MAP2: variants seen among roughly 807,000 people sequenced by gnomAD.
The protein encoded by MAP2 is microtubule-associated protein 2.
A neutral mutation model predicts 137.6 loss-of-function variants in MAP2; 14 were observed. The observed-to-expected ratio is 0.10, with a 90% confidence interval of 0.07 to 0.16. The LOEUF is 0.16. MAP2 is among the 10% of genes least tolerant of loss of function. MAP2 has a pLI of 1.00. For synonymous variants in MAP2, 786 were observed against 782.3 expected (o/e 1.00, Z -0.08); for missense variants, 2,088 against 2,191.5 (o/e 0.95, Z 0.94).
At chr2:209,608,053 T>C (rs1049721608) in intron 3 of MAP2, among the ~76,000 whole-genome samples, 3 of 152,180 alleles carry the variant, frequency 2.0e-5, no homozygotes, top group Admixed American at 1.3e-4. Flanking sequence ...AATGGAACAG[T>C]TGCCTTTTAC....
At chr2:209,537,116 A>C (rs993004086) in intron 2 of MAP2, among the ~76,000 whole-genome samples, 1 of 152,194 alleles carries the variant, frequency 6.6e-6, no homozygotes, top group Non-Finnish European at 1.5e-5. Flanking sequence ...TGGCACACTT[A>C]TATTAAGCAA....
intron 13 of MAP2, among the ~76,000 whole-genome samples, chr2:209,716,265 A>G (rs1263506660): frequency 6.6e-6 from 1 of 152,242 alleles, no homozygotes; most frequent in African/African-American, 2.4e-5. Context: ...ATAATGTCCC[A>G]TACATAGTAG....
intron 3 of MAP2, among the ~76,000 whole-genome samples, chr2:209,589,776 T>C (rs540241453): frequency 8.5e-5 from 13 of 152,304 alleles, no homozygotes; most frequent in African/African-American, 3.1e-4. Context: ...TTTAAGCGAA[T>C]GGTAAATAAC....
At chr2:209,515,229 TTCTC>T (rs892211565) in intron 2 of MAP2, among the ~76,000 whole-genome samples, 2 of 152,064 alleles carry the variant, frequency 1.3e-5, no homozygotes, top group African/African-American at 2.4e-5. Flanking sequence ...TCTATCTTCT[TTCTC>T]TCTCTCATTT....
intron 13 of MAP2, chr2:209,710,803 T>C (rs2065184835): frequency 6.5e-6 from 1 of 153,918 alleles, no homozygotes; most frequent in Admixed American, 6.4e-5. Context: ...CACATGGTTC[T>C]GATGAATAAA....
chr2:209,465,772 G>A lies in MAP2; in HGVS notation c.-222+41496G>A, dbSNP rs1361223100. 2.0e-5 allele frequency among the ~76,000 whole-genome samples: 3 copies of A among 152,282 alleles called. No homozygotes were observed. In the East Asian group the frequency reaches 5.8e-4, roughly 29 times the overall value. ...AAACACCCTTAGGTCTAAAACACAT[G>A]TTGGTTCTTGAGAGATTTCCCTTCT... is the stretch of plus-strand genomic sequence containing the variant. On this transcript the variant is annotated intron_variant, in intron 1 of 15. Transcript: ENST00000682079.
rs1280225286 is a variant in MAP2, at chr2:209,653,228, A to G, written c.58A>G (p.Thr20Ala). Residue 20 changes from threonine to alanine, a missense_variant, in exon 5 of 16, where the codon ACA becomes GCA. By Grantham distance (58) the Thr-to-Ala change is moderately conservative. This residue lies in a region of MAP2 where 859 missense variants were observed against 794.5 expected (regional missense o/e 1.08). Coordinates refer to ENST00000682079, the MANE Select transcript of MAP2 (RefSeq NM_001375505.1). The part of the protein sequence containing the change: ...KAPHWTSAPL[T>A]EASAHSHPPE... ...ACCTCACTGGACCTCAGCACCGCTAACAGAGGCATCTGCACACTCACATCC... is the reference window on the plus strand; with the variant it reads ...ACCTCACTGGACCTCAGCACCGCTAGCAGAGGCATCTGCACACTCACATCC... 1 of 1,613,944 alleles carries G rather than the reference A, an allele frequency of 6.2e-7. No individual in the cohort carries two copies. Among genetic ancestry groups the G allele is most frequent in the Non-Finnish European group, 8.5e-7 (1 of 1,180,002 alleles).
intron 2 of MAP2, among the ~76,000 whole-genome samples, chr2:209,547,344 T>C (rs1246348303): frequency 1.3e-5 from 2 of 152,104 alleles, no homozygotes; most frequent in Non-Finnish European, 2.9e-5. Context: ...TAAATATGTT[T>C]GCTTTGCCAA....
intron 3 of MAP2, among the ~76,000 whole-genome samples, chr2:209,606,662 A>C (rs550978939): frequency 8.6e-4 from 131 of 152,338 alleles, no homozygotes; most frequent in African/African-American, 2.4e-3. Flanking sequence ...AATCTGTACC[A>C]ATCCATTCTT....
chr2:209,683,446 A>G lies in MAP2; in HGVS notation c.454+2619A>G, dbSNP rs934896996. On this transcript the variant is annotated intron_variant, in intron 7 of 15. Coordinates refer to ENST00000682079, the MANE Select transcript of MAP2 (RefSeq NM_001375505.1). ...TATAAACTCTATCTCTATAAAGACC[A>G]GATAATATTCTCACCTTAAATATGT... 6.6e-5 allele frequency among the ~76,000 whole-genome samples: 10 copies of G among 152,360 alleles called. No homozygotes were observed. In the South Asian group the frequency reaches 1.4e-3, roughly 22 times the overall value.
At chr2:209,600,124 C>T (rs888065934) in intron 3 of MAP2, among the ~76,000 whole-genome samples, 1 of 152,146 alleles carries the variant, frequency 6.6e-6, no homozygotes, top group African/African-American at 2.4e-5. Context: ...TGCACAGTTT[C>T]CTTTACTCTG....
At chr2:209,663,685 A>C (rs1346278202) in intron 5 of MAP2, among the ~76,000 whole-genome samples, 1 of 152,188 alleles carries the variant, frequency 6.6e-6, no homozygotes, top group Non-Finnish European at 1.5e-5. Flanking sequence ...AATCATCCTA[A>C]ATACATATGA....
chr2:209,663,006 A>G (rs75261241), intron 5 of MAP2, among the ~76,000 whole-genome samples: 147 of 152,234 alleles, frequency 9.7e-4, no homozygotes, highest in Middle Eastern at 3.4e-3. Context: ...TTACTTGTGT[A>G]GGTCTGAGAA....
rs111560976 is a variant in MAP2 at position 209,475,929 on chromosome 2, G to A, written c.-221-31663G>A. Among the ~76,000 whole-genome samples the A allele has an allele frequency of 6.1e-3, 923 of 152,186 alleles. 7 individuals carry two copies. Among genetic ancestry groups the A allele is most frequent in the African/African-American group, 0.021 (868 of 41,546 alleles). ...GGAAAAACTGATGAGAGGTCAGTTG[G>A]TACATGCTGAATGTTTATTAGACAA... On this transcript the variant is annotated intron_variant, in intron 1 of 15. Coordinates refer to ENST00000682079, the MANE Select transcript of MAP2 (RefSeq NM_001375505.1).
chr2:209,730,541 C>A lies in MAP2; in HGVS notation c.*144C>A, dbSNP rs923303725. On this transcript the variant is annotated 3_prime_UTR_variant, in exon 16 of 16. Coordinates refer to ENST00000682079, the MANE Select transcript of MAP2 (RefSeq NM_001375505.1). ...AAACTGTAGTAATTGTTACAATTTT[C>A]TATTTAAAAAATGAATAGTACATGC... 6 of 657,264 alleles carry A rather than the reference C, an allele frequency of 9.1e-6. No homozygotes were observed. Among genetic ancestry groups the A allele is most frequent in the Non-Finnish European group, 1.5e-5 (6 of 389,634 alleles). 40.7% of individuals were successfully genotyped at this position (657,264 alleles called of 1,614,324 possible).
rs1304064267 is a variant in MAP2 at position 209,438,690 on chromosome 2, G to A, written c.-222+14414G>A. On this transcript the variant is annotated intron_variant, in intron 1 of 15. Transcript: ENST00000682079. ...CTGGAAAATGCTTCTCCTTAGAAAA[G>A]TACTATTGGCTTAAACAGAGTGGCA... Among the ~76,000 whole-genome samples, 3 of 151,560 alleles carry A rather than the reference G, an allele frequency of 2.0e-5. No individual in the cohort carries two copies. The East Asian group carries it at 5.8e-4, about 29-fold the overall frequency.
Position 209,434,885 on chromosome 2 carries a change from TTATATATATGTTA to T in MAP2, c.-222+10630_-222+10642del, listed in dbSNP as rs1200128731. The stretch of plus-strand genomic sequence containing the variant: ...ATGTTATATATATGTTATATATATG[TTATATATATGTTA>T]TATATATATGTTATATATATGTTAT... On this transcript the variant is annotated intron_variant, in intron 1 of 15. Coordinates refer to ENST00000682079, the MANE Select transcript of MAP2 (RefSeq NM_001375505.1). Among the ~76,000 whole-genome samples the T allele has an allele frequency of 6.2e-3, 460 of 74,604 alleles. 7 individuals carry two copies. The highest frequency in any genetic ancestry group is 0.016 in the African/African-American group (420 of 25,578). The allele number at this position is 74,604 out of a possible 152,430, so 48.9% of individuals were successfully genotyped here. A position where few individuals can be genotyped will look rare whatever the true frequency, so the allele number is the denominator to read the frequency against.
Position 209,694,027 on chromosome 2 carries a change from GT to G in MAP2, c.1860del (p.Gln621LysfsTer61). 6.2e-7 allele frequency: 1 copy of G among 1,613,916 alleles called. No individual in the cohort carries two copies. Among genetic ancestry groups the G allele is most frequent in the Non-Finnish European group, 8.5e-7 (1 of 1,179,952 alleles). ...CCATGCATAAAAATGGTGACAAGGA[GT>G]TTCAAACAGGAAAAGAATCCCAGCC... is the stretch of plus-strand genomic sequence containing the variant. Reference protein sequence around the residue: ...SPMHKNGDKEFQTGKESQPSP... With the variant: ...SPMHKNGDKEXQTGKESQPSP... On this transcript the variant is annotated frameshift_variant, in exon 8 of 16. Transcript: ENST00000682079. LOFTEE classifies it high-confidence loss of function.
At chr2:209,473,472 G>T (rs1033425924) in intron 1 of MAP2, among the ~76,000 whole-genome samples, 2 of 151,990 alleles carry the variant, frequency 1.3e-5, no homozygotes. Flanking sequence ...GTAGAAGGAG[G>T]TATAGTACCC....
Sources: gnomAD v4.1 joint callset for allele counts (sites outside exome capture counted in the v4.1 genomes callset) on GRCh38, gnomAD v4.1.1 for gene constraint, gnomAD v4.1.1 regional missense constraint, MANE v1.5 for transcripts, NCBI Gene and HGNC (gene_info 2026-07-23, HGNC 2026-07-21) for gene names.